Variants in RANBP2 observed in about 807,000 individuals in gnomAD.
RANBP2 encodes the protein E3 SUMO-protein ligase RanBP2.
Under a neutral mutation model 303.6 loss-of-function variants are expected in RANBP2, and 57 were observed. The ratio of observed to expected loss-of-function variants is 0.19; its 90% CI spans 0.15 to 0.23. The LOEUF (loss-of-function observed/expected upper bound fraction) is 0.23, where lower values mean the gene tolerates loss of function less well. Among genes scored for constraint, RANBP2 ranks in the 10% least tolerant of loss-of-function variants. RANBP2 has a pLI of 1.00. For missense variants in RANBP2, 3,138 were observed against 3,780.8 expected (o/e 0.83, Z 4.46); for synonymous variants, 1,167 against 1,301.5 (o/e 0.90, Z 2.23).
chr2:109,614,929 C>T, the RANBP2 span: 17 of 1,504,928 alleles, frequency 1.1e-5, no homozygotes, highest in Admixed American at 2.1e-5. Context: ...CACTGGCCGC[C>T]CCTGAGCGCC....
chr2:108,977,773 A>T, the RANBP2 span, among the ~76,000 whole-genome samples: 3 of 152,172 alleles, frequency 2.0e-5, no homozygotes, highest in Admixed American at 6.5e-5. Flanking sequence ...TCAGTGTCTG[A>T]AGGACCCACA....
the RANBP2 span, among the ~76,000 whole-genome samples, chr2:109,367,933 T>C: frequency 6.6e-6 from 1 of 152,230 alleles, no homozygotes; most frequent in African/African-American, 2.4e-5. Context: ...AAAGTGCCTG[T>C]TCCATGCATA....
At chr2:109,633,344 G>C in the RANBP2 span, among the ~76,000 whole-genome samples, 1 of 152,168 alleles carries the variant, frequency 6.6e-6, no homozygotes, top group Non-Finnish European at 1.5e-5. Flanking sequence ...AGTGAGCTGA[G>C]ATCGTGCTAC....
intron 13 of RANBP2, 26 bp downstream of exon 13, chr2:108,753,185 T>A (rs534633238): frequency 6.2e-7 from 1 of 1,611,516 alleles, no homozygotes; most frequent in South Asian, 1.1e-5. Flanking sequence ...TATGAATTTA[T>A]TGGAGATGGG....
At chr2:109,255,930 G>A in the RANBP2 span, among the ~76,000 whole-genome samples, 17 of 152,304 alleles carry the variant, frequency 1.1e-4, no homozygotes, top group Middle Eastern at 3.4e-3. Flanking sequence ...TGAAAGGAAG[G>A]GGAAGAGGAA....
At chr2:109,039,543 G>T in the RANBP2 span, among the ~76,000 whole-genome samples, 17 of 152,232 alleles carry the variant, frequency 1.1e-4, no homozygotes, top group East Asian at 2.5e-3. Flanking sequence ...TAGAGTCAGG[G>T]TTTTACCATG....
the RANBP2 span, among the ~76,000 whole-genome samples, chr2:109,611,675 C>A: frequency 6.6e-6 from 1 of 152,012 alleles, no homozygotes; most frequent in Non-Finnish European, 1.5e-5. Flanking sequence ...GCAGGAGGAT[C>A]GCTTGAGCCC....
At chr2:108,905,269 G>A in the RANBP2 span, among the ~76,000 whole-genome samples, 1 of 152,070 alleles carries the variant, frequency 6.6e-6, no homozygotes, top group Non-Finnish European at 1.5e-5. Context: ...AACATTTTTT[G>A]GAACAGAGAA....
intron 18 of RANBP2, among the ~76,000 whole-genome samples, chr2:108,759,825 T>A (rs1676598417): frequency 6.6e-6 from 1 of 152,190 alleles, no homozygotes; most frequent in African/African-American, 2.4e-5. Flanking sequence ...GCCTTGTGGG[T>A]CATGATTTCC....
chr2:108,911,252 AC>A, the RANBP2 span, among the ~76,000 whole-genome samples: 3 of 152,006 alleles, frequency 2.0e-5, no homozygotes, highest in African/African-American at 7.2e-5. Context: ...TGGCTGCCAG[AC>A]CAGGACTGCC....
chr2:108,876,178 T>C, the RANBP2 span: 1 of 1,613,156 alleles, frequency 6.2e-7, no homozygotes, highest in Non-Finnish European at 8.5e-7. Context: ...CATTTCTCTG[T>C]ATTAATCTAA....
At chr2:109,047,182 C>T in the RANBP2 span, among the ~76,000 whole-genome samples, 5 of 152,080 alleles carry the variant, frequency 3.3e-5, no homozygotes, top group Non-Finnish European at 7.4e-5. Context: ...TCAACAGAGC[C>T]CTGCTCCCCT....
At chr2:109,556,065 C>T in the RANBP2 span, among the ~76,000 whole-genome samples, 1 of 152,302 alleles carries the variant, frequency 6.6e-6, no homozygotes, top group South Asian at 2.1e-4. Context: ...CTAGACATTT[C>T]AGTTTCTTTA....
At chr2:108,864,730 G>T in the RANBP2 span, among the ~76,000 whole-genome samples, 1 of 150,014 alleles carries the variant, frequency 6.7e-6, no homozygotes, top group African/African-American at 2.4e-5. Context: ...GGAGGCGGAG[G>T]TTGCAGTGAG....
At chr2:109,675,785 T>C in the RANBP2 span, among the ~76,000 whole-genome samples, 1 of 152,196 alleles carries the variant, frequency 6.6e-6, no homozygotes, top group Non-Finnish European at 1.5e-5. Context: ...GTCCTGCCAC[T>C]CTGCTGAGGG....
chr2:109,151,091 A>G, the RANBP2 span, among the ~76,000 whole-genome samples: 6 of 152,224 alleles, frequency 3.9e-5, no homozygotes, highest in Non-Finnish European at 5.9e-5. Context: ...AGCCACACCA[A>G]TGTATTTGCC....
At chr2:109,268,861 A>G in the RANBP2 span, among the ~76,000 whole-genome samples, 103 of 152,316 alleles carry the variant, frequency 6.8e-4, no homozygotes, top group African/African-American at 2.2e-3. Flanking sequence ...GGTGTATTCA[A>G]TGAATTTCAG....
chr2:109,198,076 G>C, the RANBP2 span, among the ~76,000 whole-genome samples: 2 of 152,156 alleles, frequency 1.3e-5, no homozygotes, highest in Non-Finnish European at 2.9e-5. Context: ...TGTCAGTTGG[G>C]GGTGCTCGGG....
rs561073854 is a variant in RANBP2 at position 108,763,762 on chromosome 2, C to T, written c.3223C>T (p.Pro1075Ser). ...SLLGLLTSDK[P>S]LQGDGYSGAK... is the part of the protein sequence containing the mutation. ...TTTAGGTCTCCTGACTTCAGATAAACCCTTGCAAGGAGATGGCTATAGTGG... is the reference window on the plus strand; with the variant it reads ...TTTAGGTCTCCTGACTTCAGATAAATCCTTGCAAGGAGATGGCTATAGTGG... The change falls in exon 20 of 29, where the codon CCC becomes TCC. Residue 1075 changes from proline to serine, a missense_variant. Pro to Ser is a moderately conservative substitution (Grantham distance 74). This residue lies in a region of RANBP2 where 403 missense variants were observed against 376.7 expected (regional missense o/e 1.07). Coordinates refer to ENST00000283195, the MANE Select transcript of RANBP2 (RefSeq NM_006267.5). 1 of 1,614,084 alleles carries T rather than the reference C, an allele frequency of 6.2e-7. No homozygotes were observed. The highest frequency in any genetic ancestry group is 1.1e-5 in the South Asian group (1 of 91,088).
Sources: gnomAD v4.1 joint callset for allele counts (sites outside exome capture counted in the v4.1 genomes callset) on GRCh38, gnomAD v4.1.1 for gene constraint, gnomAD v4.1.1 regional missense constraint, MANE v1.5 for transcripts, NCBI Gene and HGNC (gene_info 2026-07-23, HGNC 2026-07-21) for gene names.